PARD3B: variants seen among roughly 807,000 people sequenced by gnomAD.
The protein encoded by PARD3B is partitioning defective 3 homolog B.
In PARD3B, 103 loss-of-function variants were observed where a neutral mutation model predicts 130.2. The ratio of observed to expected loss-of-function variants is 0.79; its 90% CI spans 0.67 to 0.93. PARD3B has a LOEUF of 0.93. PARD3B is among the 40% of genes least tolerant of loss of function. The pLI is 0.00. For missense variants in PARD3B, 1,609 were observed against 1,499.2 expected (o/e 1.07, Z -1.21); for synonymous variants, 583 against 553.2 (o/e 1.05, Z -0.76).
rs2047665275 is a variant in PARD3B, at chr2:205,440,271, A to T, written c.2742-99A>T. ...TTGAGTAAACAGGAGAATGACAGCT[A>T]AGAGACGAGGAAGAGTTAACATAAA... On this transcript the variant is annotated intron_variant, in intron 19 of 22. Coordinates refer to ENST00000406610, the MANE Select transcript of PARD3B (RefSeq NM_001302769.2). The surrounding 1 kb of genome is among the most constrained non-coding windows in gnomAD (Gnocchi z 4.2). 7 of 1,205,564 alleles carry T rather than the reference A, an allele frequency of 5.8e-6. No homozygotes were observed. The highest frequency in any genetic ancestry group is 8.2e-6 in the Non-Finnish European group (7 of 853,526). The allele number at this position is 1,205,564 out of a possible 1,614,324, so 74.7% of individuals were successfully genotyped here.
At chr2:205,494,199 G>A (rs929407155) in intron 20 of PARD3B, among the ~76,000 whole-genome samples, 1 of 152,136 alleles carries the variant, frequency 6.6e-6, no homozygotes, top group Non-Finnish European at 1.5e-5. Flanking sequence ...AAAACAACAC[G>A]AAAACAGAAA....
intron 2 of PARD3B, among the ~76,000 whole-genome samples, chr2:204,941,021 C>T (rs1457137214): frequency 6.6e-6 from 1 of 152,098 alleles, no homozygotes; most frequent in East Asian, 1.9e-4. Context: ...GTTGTATGTT[C>T]TATTCAATTA....
intron 18 of PARD3B, among the ~76,000 whole-genome samples, chr2:205,334,443 T>A (rs957662585): frequency 3.3e-5 from 5 of 152,122 alleles, no homozygotes; most frequent in Non-Finnish European, 5.9e-5. Context: ...ACAGAACTGA[T>A]CAGAGGAAAG....
chr2:205,097,474 C>A (rs980441692), intron 4 of PARD3B, among the ~76,000 whole-genome samples: 1 of 152,140 alleles, frequency 6.6e-6, no homozygotes, highest in Non-Finnish European at 1.5e-5. Context: ...CACCATCCTT[C>A]CCGGCTTAGT....
intron 20 of PARD3B, among the ~76,000 whole-genome samples, chr2:205,466,093 G>C (rs1025024390): frequency 9.9e-5 from 15 of 152,178 alleles, no homozygotes; most frequent in African/African-American, 3.4e-4. Context: ...AGGGGTCTGG[G>C]ATGGGGCCTG....
chr2:205,070,742 A>G (rs1700676486), intron 4 of PARD3B, among the ~76,000 whole-genome samples: 1 of 152,188 alleles, frequency 6.6e-6, no homozygotes, highest in Non-Finnish European at 1.5e-5. Context: ...CATTGCAAGC[A>G]TCAATATGTT....
At chr2:204,998,862 C>T (rs989381725) in intron 3 of PARD3B, among the ~76,000 whole-genome samples, 3 of 152,006 alleles carry the variant, frequency 2.0e-5, no homozygotes, top group African/African-American at 4.8e-5. Flanking sequence ...TACAGGCATG[C>T]GCCAACACGC....
intron 2 of PARD3B, among the ~76,000 whole-genome samples, chr2:204,856,595 T>C (rs2125618174): frequency 6.6e-6 from 1 of 152,328 alleles, no homozygotes; most frequent in Admixed American, 6.5e-5. Context: ...GCTTTTGGAA[T>C]GCTATCCAAT....
chr2:205,483,584 C>G (rs899985491), intron 20 of PARD3B, among the ~76,000 whole-genome samples: 1 of 152,096 alleles, frequency 6.6e-6, no homozygotes, highest in African/African-American at 2.4e-5. Flanking sequence ...TTTCTTTCCT[C>G]GCTCTCCCTC....
chr2:204,747,936 G>A (rs1456964972), intron 2 of PARD3B, among the ~76,000 whole-genome samples: 1 of 152,040 alleles, frequency 6.6e-6, no homozygotes. Flanking sequence ...GAGCAAGCAT[G>A]AAGAAACAAA....
intron 18 of PARD3B, among the ~76,000 whole-genome samples, chr2:205,368,526 G>C (rs568043391): frequency 6.6e-6 from 1 of 152,214 alleles, no homozygotes; most frequent in Admixed American, 6.5e-5. Flanking sequence ...CAGCTACTTG[G>C]GAGGCTGAGG....
intron 10 of PARD3B, among the ~76,000 whole-genome samples, chr2:205,145,313 C>A (rs1435899927): frequency 7.0e-6 from 1 of 143,032 alleles, no homozygotes; most frequent in African/African-American, 2.6e-5. Context: ...CCAATCCAAC[C>A]CTCCGCCGCC....
chr2:204,892,524 C>A (rs1207366949), intron 2 of PARD3B, among the ~76,000 whole-genome samples: 1 of 152,128 alleles, frequency 6.6e-6, no homozygotes, highest in Non-Finnish European at 1.5e-5. Context: ...ATATGTAAAA[C>A]ACACATGGAT....
intron 2 of PARD3B, among the ~76,000 whole-genome samples, chr2:204,850,154 T>C (rs541635161): frequency 6.6e-6 from 1 of 152,302 alleles, no homozygotes; most frequent in Non-Finnish European, 1.5e-5. Context: ...TCAGATTTGC[T>C]ACTTGAAGCT....
At chr2:205,081,285 A>AT (rs1278950860) in intron 4 of PARD3B, among the ~76,000 whole-genome samples, 1 of 144,108 alleles carries the variant, frequency 6.9e-6, no homozygotes, top group Non-Finnish European at 1.5e-5. Flanking sequence ...CCTGAAATTT[A>AT]TTTTTTTCTG....
Position 204,759,613 on chromosome 2 carries a change from C to CT in PARD3B, c.222+73335dup, listed in dbSNP as rs140756818. Among the ~76,000 whole-genome samples the CT allele has an allele frequency of 1.0e-3, 155 of 152,106 alleles. 2 individuals carry two copies. In the East Asian group the frequency reaches 0.027, roughly 27 times the overall value. On this transcript the variant is annotated intron_variant, in intron 2 of 22. Transcript: ENST00000406610. ...TTCCTCTGTTGTTAACATTTGCATG[C>CT]TTTTAAGTGTTATTTCCAACACATA...
chr2:204,897,122 A>G (rs2046666952), intron 2 of PARD3B, among the ~76,000 whole-genome samples: 1 of 152,190 alleles, frequency 6.6e-6, no homozygotes, highest in African/African-American at 2.4e-5. Context: ...AAATTAATTT[A>G]TAAGGTCTTC....
chr2:205,483,425 C>A (rs1320564002), intron 20 of PARD3B, among the ~76,000 whole-genome samples: 1 of 152,176 alleles, frequency 6.6e-6, no homozygotes, highest in Non-Finnish European at 1.5e-5. Context: ...GACTTCAGAG[C>A]TTTAGAAATG....
Position 205,473,821 on chromosome 2 carries a change from G to A in PARD3B, c.3045-26075G>A, listed in dbSNP as rs2048934823. 6.7e-6 allele frequency among the ~76,000 whole-genome samples: 1 copy of A among 150,242 alleles called. No individual in the cohort carries two copies. The highest frequency in any genetic ancestry group is 1.5e-5 in the Non-Finnish European group (1 of 67,568). ...TTCAACCTGTTGTCTTACGAAAGGG[G>A]AGATATTCTTTTCTTTGTTACGTTT... On this transcript the variant is annotated intron_variant, in intron 20 of 22. Transcript: ENST00000406610. This position sits in a 1 kb window ranked among gnomAD's most constrained non-coding sequence, Gnocchi z 4.9.
Sources: allele counts gnomAD v4.1 joint callset (sites outside exome capture counted in the v4.1 genomes callset), GRCh38; gene constraint gnomAD v4.1.1; non-coding constraint Gnocchi (gnomAD v3.1); transcripts MANE v1.5; gene names NCBI Gene and HGNC (gene_info 2026-07-23, HGNC 2026-07-21).